The following LNX2 variants were observed in gnomAD, a reference collection of about 807,000 sequenced individuals.
LNX2 encodes the protein ligand of Numb protein X 2.
LNX2 carries 35 observed loss-of-function variants against 66.2 expected under a neutral mutation model. That is an observed-to-expected ratio of 0.53 (90% CI 0.40 to 0.70). The LOEUF is 0.70. Among genes scored for constraint, LNX2 ranks in the 30% least tolerant of loss-of-function variants. The pLI, the probability that LNX2 is intolerant of heterozygous loss-of-function variation, is 0.00. For synonymous variants in LNX2, 337 were observed against 315.6 expected (o/e 1.07, Z -0.72); for missense variants, 791 against 850.8 (o/e 0.93, Z 0.87).
At chr13:27,583,243 T>TGCGCGCGC (rs1254198656) in intron 1 of LNX2, among the ~76,000 whole-genome samples, 2 of 21,678 alleles carry the variant, frequency 9.2e-5, no homozygotes, top group Non-Finnish European at 1.7e-4. Context: ...TGTGTGTGTG[T>TGCGCGCGC]GTGTGTGTGT....
At chr13:27,605,765 C>T (rs369383976) in intron 1 of LNX2, among the ~76,000 whole-genome samples, 3 of 152,144 alleles carry the variant, frequency 2.0e-5, no homozygotes, top group South Asian at 4.1e-4. Flanking sequence ...AGAGCAGTCA[C>T]GCAAATGGCA....
intron 2 of LNX2, among the ~76,000 whole-genome samples, chr13:27,577,207 A>G (rs1321600668): frequency 4.6e-5 from 7 of 152,208 alleles, no homozygotes; most frequent in African/African-American, 1.4e-4. Flanking sequence ...CCCATTTAAA[A>G]TTGGATTTAT....
At chr13:27,592,950 TGAG>T (rs1292779223) in intron 1 of LNX2, among the ~76,000 whole-genome samples, 1 of 152,210 alleles carries the variant, frequency 6.6e-6, no homozygotes, top group Non-Finnish European at 1.5e-5. Flanking sequence ...CCTCCTGGAA[TGAG>T]TTCAAGTGAG....
At chr13:27,583,551 C>T (rs886683490) in intron 1 of LNX2, among the ~76,000 whole-genome samples, 3 of 152,100 alleles carry the variant, frequency 2.0e-5, no homozygotes, top group Non-Finnish European at 4.4e-5. Context: ...CCACCATGCC[C>T]GGCCCTCCAA....
chr13:27,568,746 C>T (rs528673633), intron 3 of LNX2, among the ~76,000 whole-genome samples: 26 of 152,162 alleles, frequency 1.7e-4, no homozygotes, highest in African/African-American at 5.8e-4. Flanking sequence ...AATAACCACG[C>T]GAATGACTAG....
At chr13:27,604,209 G>T (rs1289078016) in intron 1 of LNX2, among the ~76,000 whole-genome samples, 1 of 152,220 alleles carries the variant, frequency 6.6e-6, no homozygotes, top group Non-Finnish European at 1.5e-5. Context: ...CTGCGCCACT[G>T]CACTCCAGCC....
At chr13:27,608,776 TAGAG>T (rs1234800243) in intron 1 of LNX2, among the ~76,000 whole-genome samples, 10 of 150,838 alleles carry the variant, frequency 6.6e-5, no homozygotes, top group African/African-American at 1.2e-4. Flanking sequence ...CTAGTGTACT[TAGAG>T]AGCAATTTCT....
intron 2 of LNX2, among the ~76,000 whole-genome samples, chr13:27,572,009 T>A (rs1281620178): frequency 6.6e-6 from 1 of 152,222 alleles, no homozygotes; most frequent in Non-Finnish European, 1.5e-5. Context: ...TGCAGAGCCA[T>A]AATCCAAACA....
chr13:27,546,232 TGTAA>T lies in LNX2; in HGVS notation c.*2099_*2102del, dbSNP rs1365715120. ...ATACTCATTATGCCACCAGGTTCAA[TGTAA>T]GTATTTTGTATATAACAAAGTAGCA... On this transcript the variant is annotated 3_prime_UTR_variant, in exon 10 of 10. Transcript: ENST00000316334. The T allele has an allele frequency of 6.6e-5, 10 of 152,322 alleles. No homozygotes were observed. Among genetic ancestry groups the T allele is most frequent in the South Asian group, 6.2e-4 (3 of 4,830 alleles). The allele number at this position is 152,322 out of a possible 1,614,324, so 9.4% of individuals were successfully genotyped here.
chr13:27,562,365 T>C (rs757641313), intron 5 of LNX2, 48 bp downstream of exon 5: 78 of 1,559,526 alleles, frequency 5.0e-5, no homozygotes, highest in Non-Finnish European at 5.8e-5. Context: ...AATACTACTA[T>C]ATGATCATTT....
At chr13:27,566,121 T>C (rs2138352175) in intron 4 of LNX2, among the ~76,000 whole-genome samples, 1 of 152,296 alleles carries the variant, frequency 6.6e-6, no homozygotes, top group South Asian at 2.1e-4. Flanking sequence ...ATACGTAAAA[T>C]GTTCAAACAA....
chr13:27,621,029 G>C (rs1417785762), upstream of LNX2: 2 of 153,020 alleles, frequency 1.3e-5, no homozygotes, highest in Admixed American at 1.3e-4. Context: ...CGATTCGAGA[G>C]GAAGCGCACC....
At chr13:27,562,080 T>C (rs1029483174) in intron 5 of LNX2, among the ~76,000 whole-genome samples, 1 of 152,126 alleles carries the variant, frequency 6.6e-6, no homozygotes, top group Non-Finnish European at 1.5e-5. Flanking sequence ...CTTTTGAGCC[T>C]CCCTTTCCTC....
intron 1 of LNX2, among the ~76,000 whole-genome samples, chr13:27,618,249 C>A (rs960099631): frequency 6.6e-6 from 1 of 152,234 alleles, no homozygotes; most frequent in South Asian, 2.1e-4. Flanking sequence ...TCTCCTTCCA[C>A]TGCCAGCACA....
intron 7 of LNX2, among the ~76,000 whole-genome samples, chr13:27,554,150 A>G (rs1955034012): frequency 6.6e-6 from 1 of 152,240 alleles, no homozygotes; most frequent in African/African-American, 2.4e-5. Context: ...TTTTCAGATT[A>G]TTAAAGCAAA....
At chr13:27,570,100 T>C (rs914423581) in intron 2 of LNX2, among the ~76,000 whole-genome samples, 1 of 152,180 alleles carries the variant, frequency 6.6e-6, no homozygotes, top group African/African-American at 2.4e-5. Flanking sequence ...GGCCAGTGCC[T>C]TTCCATTGGA....
chr13:27,548,140 T>C lies in LNX2; in HGVS notation c.*195A>G. On this transcript the variant is annotated 3_prime_UTR_variant, in exon 10 of 10. Coordinates refer to ENST00000316334, the MANE Select transcript of LNX2 (RefSeq NM_153371.4). ...ACTCACAAAGGTTAGTGGAAGACTG[T>C]TTCCAAGCTAAAAGAAATGTAACTA... 2 of 551,764 alleles carry C rather than the reference T, an allele frequency of 3.6e-6. No homozygotes were observed. Among genetic ancestry groups the C allele is most frequent in the Non-Finnish European group, 6.4e-6 (2 of 313,670 alleles). 34.2% of individuals were successfully genotyped at this position (551,764 alleles called of 1,614,324 possible).
intron 2 of LNX2, among the ~76,000 whole-genome samples, chr13:27,572,492 G>A (rs1955293891): frequency 6.6e-6 from 1 of 152,232 alleles, no homozygotes; most frequent in South Asian, 2.1e-4. Flanking sequence ...TGCACCTCCT[G>A]AGGGAGGGAT....
intron 1 of LNX2, among the ~76,000 whole-genome samples, chr13:27,591,003 T>G (rs1224342455): frequency 1.3e-5 from 2 of 152,034 alleles, no homozygotes; most frequent in Non-Finnish European, 2.9e-5. Context: ...TGTATATATA[T>G]GTGTGTGTAC....
Sources: gnomAD v4.1 joint callset for allele counts (sites outside exome capture counted in the v4.1 genomes callset) on GRCh38, gnomAD v4.1.1 for gene constraint, MANE v1.5 for transcripts, NCBI Gene and HGNC (gene_info 2026-07-23, HGNC 2026-07-21) for gene names.